Variants in ESR2 observed in about 807,000 individuals in gnomAD.
ESR2 encodes the protein estrogen receptor 2, also known as estrogen receptor beta.
ESR2 carries 36 observed loss-of-function variants against 49.6 expected under a neutral mutation model. The ratio of observed to expected loss-of-function variants is 0.73; its 90% confidence interval spans 0.56 to 0.96. The LOEUF is 0.96. Ranked by LOEUF, ESR2 falls within the 40% of genes least tolerant of loss-of-function variation. The pLI is 0.00. For missense variants in ESR2, 714 were observed against 693.0 expected, an observed-to-expected ratio of 1.03 and a Z score of -0.34; for synonymous variants, 320 against 266.1, an observed-to-expected ratio of 1.20 and a Z score of -1.97.
chr14:64,261,330 C>T (rs567807272), intron 4 of ESR2, among the ~76,000 whole-genome samples: 5 of 145,198 alleles, frequency 3.4e-5, no homozygotes, highest in East Asian at 4.0e-4. Context: ...CTCCGCCTAC[C>T]GGGTTCACGC....
chr14:64,298,646 C>CA (rs1184847810), upstream of ESR2, among the ~76,000 whole-genome samples: 1 of 152,176 alleles, frequency 6.6e-6, no homozygotes, highest in African/African-American at 2.4e-5. Flanking sequence ...GCACCAGGAC[C>CA]ATGAGACAAG....
intron 8 of ESR2, 183 bp downstream of exon 8, chr14:64,234,787 A>G (rs1001067225): frequency 3.8e-6 from 5 of 1,326,558 alleles, no homozygotes; most frequent in Non-Finnish European, 5.0e-6. Context: ...ACCACATGAC[A>G]TTCCTTCCAT....
intron 3 of ESR2, among the ~76,000 whole-genome samples, chr14:64,273,902 G>C (rs2076500512): frequency 6.7e-6 from 1 of 149,850 alleles, no homozygotes; most frequent in African/African-American, 2.5e-5. Context: ...TAAAATTCTG[G>C]ATGAAGCCAT....
At chr14:64,227,725 C>T (rs2098722875), downstream of ESR2, 1 of 1,574,286 alleles carries the variant, frequency 6.4e-7, no homozygotes, top group South Asian at 1.2e-5. Context: ...AGGATAAGGG[C>T]CTTTAAGCTG....
chr14:64,308,251 GCCATCA>G (rs1353390423), intron 1 of ESR2, among the ~76,000 whole-genome samples: 1 of 151,900 alleles, frequency 6.6e-6, no homozygotes, highest in African/African-American at 2.4e-5. Flanking sequence ...CTGAGCTCAA[GCCATCA>G]CCTGCCTCGG....
chr14:64,264,414 C>T (rs1354749854), intron 4 of ESR2, among the ~76,000 whole-genome samples: 8 of 152,078 alleles, frequency 5.3e-5, no homozygotes, highest in Non-Finnish European at 2.9e-5. Context: ...AAGCAGAATG[C>T]TAAGGTCAAT....
intron 1 of ESR2, among the ~76,000 whole-genome samples, chr14:64,310,082 T>C (rs2077167115): frequency 6.6e-6 from 1 of 150,530 alleles, no homozygotes; most frequent in Admixed American, 6.6e-5. Flanking sequence ...CGAGACTCCG[T>C]CTTAAAAAAA....
intron 6 of ESR2, among the ~76,000 whole-genome samples, chr14:64,253,200 ATTTTTTT>A (rs765198400): frequency 6.6e-5 from 10 of 150,788 alleles, no homozygotes; most frequent in Non-Finnish European, 1.0e-4. Flanking sequence ...TTTATTTTTT[ATTTTTTT>A]TAAGATGGAG....
chr14:64,273,420 TTAAG>T (rs1406292598), intron 3 of ESR2, among the ~76,000 whole-genome samples: 1 of 152,196 alleles, frequency 6.6e-6, no homozygotes, highest in Non-Finnish European at 1.5e-5. Flanking sequence ...TTTTTCTCCA[TTAAG>T]TGTGATACTA....
intron 3 of ESR2, among the ~76,000 whole-genome samples, chr14:64,272,810 C>T (rs940402375): frequency 6.6e-6 from 1 of 152,132 alleles, no homozygotes; most frequent in Non-Finnish European, 1.5e-5. Flanking sequence ...GATTCTTCCA[C>T]AGTTTTGATA....
intron 6 of ESR2, among the ~76,000 whole-genome samples, chr14:64,252,493 A>G (rs1170293585): frequency 6.6e-6 from 1 of 152,196 alleles, no homozygotes; most frequent in African/African-American, 2.4e-5. Flanking sequence ...TCACATTGCT[A>G]TAAAGCACTA....
chr14:64,331,919 GAAAA>G (rs910295910), intron 1 of ESR2, among the ~76,000 whole-genome samples: 2 of 150,486 alleles, frequency 1.3e-5, no homozygotes, highest in South Asian at 4.2e-4. Context: ...GAAATATTGA[GAAAA>G]AAAATCATGG....
intron 6 of ESR2, among the ~76,000 whole-genome samples, chr14:64,251,099 G>A (rs1596389685): frequency 6.6e-6 from 1 of 152,036 alleles, no homozygotes; most frequent in East Asian, 1.9e-4. Flanking sequence ...TCTACAGGAA[G>A]CCTCATCTTT....
chr14:64,336,471 GTTAA>G (rs2077533614), intron 1 of ESR2: 1 of 152,146 alleles, frequency 6.6e-6, no homozygotes, highest in Admixed American at 6.5e-5. Context: ...ACATTTAACA[GTTAA>G]TTACTCTTTC....
intron 1 of ESR2, among the ~76,000 whole-genome samples, chr14:64,310,785 A>T (rs2077179842): frequency 6.6e-6 from 1 of 152,158 alleles, no homozygotes; most frequent in Non-Finnish European, 1.5e-5. Flanking sequence ...TACGTACAGT[A>T]CTTTCCTTTG....
upstream of ESR2, among the ~76,000 whole-genome samples, chr14:64,295,159 G>C (rs1424752652): frequency 6.6e-6 from 1 of 151,706 alleles, no homozygotes; most frequent in Non-Finnish European, 1.5e-5. Context: ...TGATGAAAAT[G>C]AAAAGGAAAG....
upstream of ESR2, among the ~76,000 whole-genome samples, chr14:64,295,207 G>T (rs2076941614): frequency 6.6e-6 from 1 of 150,948 alleles, no homozygotes; most frequent in African/African-American, 2.4e-5. Flanking sequence ...GAACCCCCCA[G>T]TGTCACATCT....
In ESR2 at chr14:64,270,269, G is replaced by A. The variant is rs144591918; in HGVS notation, c.536-1358C>T. ...AAAACAGAGAAAATCAACCTGCATC[G>A]TTTAGGGATGCACGTGTAGGTGGTA... On this transcript the variant is annotated intron_variant, in intron 3 of 8. Coordinates refer to ENST00000341099, the MANE Select transcript of ESR2 (RefSeq NM_001437.3). Among the ~76,000 whole-genome samples the A allele has an allele frequency of 4.3e-3, 654 of 152,260 alleles. 6 individuals carry two copies. The highest frequency in any genetic ancestry group is 0.015 in the African/African-American group (619 of 41,542).
At chr14:64,333,752 C>T (rs2077493250) in intron 1 of ESR2, among the ~76,000 whole-genome samples, 1 of 152,176 alleles carries the variant, frequency 6.6e-6, no homozygotes, top group Non-Finnish European at 1.5e-5. Flanking sequence ...ATTCAATTAT[C>T]TCCCACTGGG....
Sources: allele counts gnomAD v4.1 joint callset (sites outside exome capture counted in the v4.1 genomes callset), GRCh38; gene constraint gnomAD v4.1.1; transcripts MANE v1.5; gene names NCBI Gene and HGNC (gene_info 2026-07-23, HGNC 2026-07-21).